Variants in SCIN observed in about 807,000 individuals in gnomAD.
SCIN encodes the protein scinderin.
SCIN carries 91 observed loss-of-function variants against 91.8 expected under a neutral mutation model. That is an observed-to-expected ratio of 0.99 (90% CI 0.84 to 1.18). The LOEUF is 1.18. SCIN is among the 50% of genes most tolerant of loss of function. The pLI is 0.00. For missense variants in SCIN, 1,087 were observed against 863.9 expected (o/e 1.26, Z -3.24); for synonymous variants, 367 against 312.6 (o/e 1.17, Z -1.84).
rs141375846 is a variant in SCIN, at chr7:12,570,736, G to A, written c.-51G>A. ...GGTTCCTCCTGCTGCTCTCGGTTTAGTCCAAGATCAGCGATATCACGCGTC... is the reference window on the plus strand; with the variant it reads ...GGTTCCTCCTGCTGCTCTCGGTTTAATCCAAGATCAGCGATATCACGCGTC... On this transcript the variant is annotated 5_prime_UTR_variant, in exon 1 of 16. Coordinates refer to ENST00000297029, the MANE Select transcript of SCIN (RefSeq NM_001112706.3). 6,981 of 1,532,688 alleles carry A rather than the reference G, an allele frequency of 4.6e-3. 50 individuals carry two copies. Among genetic ancestry groups the A allele is most frequent in the Non-Finnish European group, 3.4e-3 (3,849 of 1,135,868 alleles). 94.9% of individuals were successfully genotyped at this position (1,532,688 alleles called of 1,614,324 possible).
chr7:12,581,572 C>T (rs1370938273), intron 3 of SCIN, among the ~76,000 whole-genome samples: 1 of 152,062 alleles, frequency 6.6e-6, no homozygotes, highest in African/African-American at 2.4e-5. Flanking sequence ...GTTCCCCCAG[C>T]AACAAAAGGT....
chr7:12,605,122 A>G (rs1259019388), intron 4 of SCIN, among the ~76,000 whole-genome samples: 1 of 151,456 alleles, frequency 6.6e-6, no homozygotes, highest in South Asian at 2.1e-4. Flanking sequence ...CACGATCTCC[A>G]CTCACTGCAA....
At chr7:12,642,769 C>G (rs552513270) in intron 11 of SCIN, among the ~76,000 whole-genome samples, 1 of 151,930 alleles carries the variant, frequency 6.6e-6, no homozygotes, top group Non-Finnish European at 1.5e-5. Context: ...TATCCCCACA[C>G]TTACAATGGT....
intron 9 of SCIN, among the ~76,000 whole-genome samples, chr7:12,634,317 C>G (rs912033332): frequency 4.0e-5 from 6 of 151,894 alleles, no homozygotes; most frequent in Admixed American, 6.6e-5. Context: ...GAAATCCCGT[C>G]TCTACTAAAA....
At chr7:12,598,056 C>T (rs1444250788) in intron 3 of SCIN, among the ~76,000 whole-genome samples, 2 of 152,246 alleles carry the variant, frequency 1.3e-5, no homozygotes, top group East Asian at 3.9e-4. Flanking sequence ...ATAGTTGCCC[C>T]TGAAACTGTT....
chr7:12,634,579 A>C (rs1161837464), intron 9 of SCIN, among the ~76,000 whole-genome samples: 1 of 152,260 alleles, frequency 6.6e-6, no homozygotes, highest in Admixed American at 6.5e-5. Flanking sequence ...TTAACTTTCA[A>C]AGTCTAAATC....
chr7:12,601,520 G>A (rs113127695), intron 3 of SCIN, among the ~76,000 whole-genome samples: 2 of 152,276 alleles, frequency 1.3e-5, no homozygotes, highest in African/African-American at 4.8e-5. Flanking sequence ...TGGGAGTGTT[G>A]TGAAAACCAA....
At chr7:12,602,542 T>G (rs1158560569) in intron 3 of SCIN, among the ~76,000 whole-genome samples, 3 of 152,116 alleles carry the variant, frequency 2.0e-5, no homozygotes, top group African/African-American at 7.2e-5. Context: ...CAGTCCTTAT[T>G]TCAACCGCAT....
intron 5 of SCIN, 31 bp downstream of exon 5, chr7:12,622,924 C>G: frequency 6.6e-7 from 1 of 1,516,840 alleles, no homozygotes; most frequent in Non-Finnish European, 9.1e-7. Context: ...TTTATTGTTT[C>G]AACAGTACTG....
At chr7:12,644,867 A>G (rs1180149484) in intron 13 of SCIN, among the ~76,000 whole-genome samples, 162 bp downstream of exon 13, 1 of 151,766 alleles carries the variant, frequency 6.6e-6, no homozygotes, top group African/African-American at 2.4e-5. Context: ...TATAAAAATT[A>G]GCTGGATGTG....
chr7:12,628,032 C>T (rs10228320), intron 8 of SCIN, among the ~76,000 whole-genome samples: 1,656 of 146,364 alleles, frequency 0.011, 33 homozygotes, highest in African/African-American at 0.039. Flanking sequence ...AGTGTGCGCG[C>T]GTGTGTGTGT....
At position 12,604,570 on chromosome 7, in the gene SCIN, C is replaced by T; in HGVS notation, c.573C>T (p.Asn191=). The change falls in exon 4 of 16, where the codon AAC becomes AAT. Residue 191 remains asparagine, a synonymous_variant. Coordinates refer to ENST00000297029, the MANE Select transcript of SCIN (RefSeq NM_001112706.3). ...ACAAATATGAACGTCTGAAGGCAAA[C>T]CAGGTAGCTACTGGCATTCGGTACA... ...SCNKYERLKA[N]QVATGIRYNE... 6.4e-7 allele frequency: 1 copy of T among 1,551,830 alleles called. No homozygotes were observed. Among genetic ancestry groups the T allele is most frequent in the Non-Finnish European group, 8.7e-7 (1 of 1,146,976 alleles).
Position 12,644,316 on chromosome 7 carries a change from G to C in SCIN, c.1759+1G>C. On this transcript the variant is annotated splice_donor_variant, in intron 12 of 15. Coordinates refer to ENST00000297029, the MANE Select transcript of SCIN (RefSeq NM_001112706.3). LOFTEE classifies it high-confidence loss of function. ...AGGATCCAAGAAGGCGAGGAGCCAGGTGTGTGCTCTGGGGCCAAGGGCACT... is the reference window on the plus strand; with the variant it reads ...AGGATCCAAGAAGGCGAGGAGCCAGCTGTGTGCTCTGGGGCCAAGGGCACT... The C allele has an allele frequency of 6.3e-7, 1 of 1,579,084 alleles. No individual in the cohort carries two copies. The highest frequency in any genetic ancestry group is 2.3e-5 in the East Asian group (1 of 43,376).
chr7:12,630,139 C>T (rs907483801), intron 9 of SCIN, among the ~76,000 whole-genome samples: 2 of 151,992 alleles, frequency 1.3e-5, no homozygotes, highest in Non-Finnish European at 2.9e-5. Flanking sequence ...GTGAACCTCA[C>T]ACCGAGACAG....
chr7:12,610,414 A>G (rs1416868544), intron 4 of SCIN, among the ~76,000 whole-genome samples: 2 of 152,232 alleles, frequency 1.3e-5, no homozygotes, highest in Non-Finnish European at 2.9e-5. Context: ...TCTTCAAAGT[A>G]CTTTGCAAAA....
intron 4 of SCIN, among the ~76,000 whole-genome samples, chr7:12,605,997 T>C (rs1783074546): frequency 1.3e-5 from 2 of 152,162 alleles, no homozygotes; most frequent in Admixed American, 1.3e-4. Context: ...TACCTAAGTA[T>C]ATATATTGTA....
rs755906256 is a variant in SCIN, at chr7:12,636,086, C to T, written c.1361C>T (p.Ala454Val). The part of the protein sequence containing the change: ...NATRDELTTS[A>V]FLTVQLDRSL... Reference sequence around the variant, plus strand: ...ACACGAGATGAGCTGACAACATCTGCGTTCCTGACTGTTCAGTTGGATCGG... The same window carrying T: ...ACACGAGATGAGCTGACAACATCTGTGTTCCTGACTGTTCAGTTGGATCGG... Residue 454 changes from alanine (A) to valine (V), a missense_variant, in exon 10 of 16, where the codon GCG (alanine) becomes GTG (valine). Physicochemically the swap from Ala to Val is moderately conservative, Grantham distance 64. Coordinates refer to ENST00000297029, the MANE Select transcript of SCIN (RefSeq NM_001112706.3). 33 of 1,613,092 alleles carry T rather than the reference C, an allele frequency of 2.0e-5. No individual in the cohort carries two copies. Among genetic ancestry groups the T allele is most frequent in the Admixed American group, 5.0e-5 (3 of 59,950 alleles).
chr7:12,580,999 G>C, intron 2 of SCIN, 61 bp from the exon 3 acceptor site: 3 of 1,511,130 alleles, frequency 2.0e-6, no homozygotes, highest in South Asian at 2.5e-5. Flanking sequence ...GCTTTGTCTA[G>C]GCAGACACCT....
chr7:12,605,318 G>A (rs1412496877), intron 4 of SCIN, among the ~76,000 whole-genome samples: 2 of 152,028 alleles, frequency 1.3e-5, no homozygotes, highest in Non-Finnish European at 2.9e-5. Context: ...CAAAGTGCTG[G>A]GATTACAGGC....
Sources: gnomAD v4.1 joint callset for allele counts (sites outside exome capture counted in the v4.1 genomes callset) on GRCh38, gnomAD v4.1.1 for gene constraint, MANE v1.5 for transcripts, NCBI Gene and HGNC (gene_info 2026-07-23, HGNC 2026-07-21) for gene names.